Variants in SLC2A1 observed in about 807,000 individuals in gnomAD.
The protein encoded by SLC2A1 is solute carrier family 2 member 1.
Under a neutral mutation model 46.6 loss-of-function variants are expected in SLC2A1, and 4 were observed. That is an observed-to-expected ratio of 0.09 (90% CI 0.04 to 0.20). SLC2A1 has a LOEUF of 0.20. Ranked by LOEUF, SLC2A1 falls within the 10% of genes least tolerant of loss-of-function variation. The pLI, the probability that SLC2A1 is intolerant of heterozygous loss-of-function variation, is 1.00. For synonymous variants in SLC2A1, 253 were observed against 270.0 expected, an observed-to-expected ratio of 0.94 and a Z score of 0.62; for missense variants, 352 against 667.0, an observed-to-expected ratio of 0.53 and a Z score of 5.20.
At chr1:42,951,718 G>C (rs1643722024) in intron 1 of SLC2A1, 1 of 396,360 alleles carries the variant, frequency 2.5e-6, no homozygotes, top group African/African-American at 2.1e-5. Context: ...AACTTTATTG[G>C]ACACAGCTTG....
Position 42,930,493 on chromosome 1 carries a change from T to C in SLC2A1, c.516+133A>G. 8.2e-7 allele frequency: 1 copy of C among 1,217,446 alleles called. No homozygotes were observed. Among genetic ancestry groups the C allele is most frequent in the East Asian group, 2.5e-5 (1 of 39,596 alleles). The allele number at this position is 1,217,446 out of a possible 1,614,324, so 75.4% of individuals were successfully genotyped here. A position where few individuals can be genotyped will look rare whatever the true frequency, so the allele number is the denominator to read the frequency against. On this transcript the variant is annotated intron_variant, in intron 4 of 9. Transcript: ENST00000426263. This position sits in a 1 kb window ranked among gnomAD's most constrained non-coding sequence, Gnocchi z 6.2. ...TGGTGCTGTGTTCTCTGGACCTGTG[T>C]ACCATAGTTGTCCTCTGCAAGGCTG...
intron 1 of SLC2A1, among the ~76,000 whole-genome samples, chr1:42,945,697 G>A (rs1361512348): frequency 6.9e-6 from 1 of 144,624 alleles, no homozygotes; most frequent in Non-Finnish European, 1.5e-5. Context: ...CCGAGATGGC[G>A]CCACTGCACT....
At chr1:42,944,621 C>T (rs1413634172) in intron 1 of SLC2A1, among the ~76,000 whole-genome samples, 1 of 107,116 alleles carries the variant, frequency 9.3e-6, no homozygotes, top group African/African-American at 7.5e-5. Context: ...TTTTCATTCT[C>T]TGAAAGCGTC....
chr1:42,957,417 C>A (rs1643787824), intron 1 of SLC2A1, among the ~76,000 whole-genome samples: 1 of 152,172 alleles, frequency 6.6e-6, no homozygotes, highest in Non-Finnish European at 1.5e-5. Context: ...CCCGCTCAGT[C>A]TCAGCGGGAC....
chr1:42,930,963 C>T lies in SLC2A1; in HGVS notation c.275+83G>A. ...ACCCTGGAACAGGCAGATAAGTCTC[C>T]CCTACCTCCCACCCCATCTGGGACT... On this transcript the variant is annotated intron_variant, in intron 3 of 9. Coordinates refer to ENST00000426263, the MANE Select transcript of SLC2A1 (RefSeq NM_006516.4). The surrounding 1 kb of genome is among the most constrained non-coding windows in gnomAD (Gnocchi z 6.2). 1.2e-6 allele frequency: 2 copies of T among 1,607,380 alleles called. No homozygotes were observed. The highest frequency in any genetic ancestry group is 1.3e-5 in the African/African-American group (1 of 74,888).
At chr1:42,932,318 G>A (rs554229312) in intron 2 of SLC2A1, among the ~76,000 whole-genome samples, 48 of 137,728 alleles carry the variant, frequency 3.5e-4, no homozygotes, top group African/African-American at 9.6e-4. Flanking sequence ...GGCAGCACCC[G>A]TTCTGCCTGA....
chr1:42,947,707 G>A (rs1643674015), intron 1 of SLC2A1, among the ~76,000 whole-genome samples: 1 of 148,526 alleles, frequency 6.7e-6, no homozygotes, highest in Non-Finnish European at 1.5e-5. Context: ...CGGCAACAGA[G>A]TGAGATAAAA....
rs971613249 is a variant in SLC2A1, at chr1:42,926,176, A to G, written c.*865T>C. 1.3e-5 allele frequency: 2 copies of G among 152,662 alleles called. No homozygotes were observed. Among genetic ancestry groups the G allele is most frequent in the African/African-American group, 4.8e-5 (2 of 41,436 alleles). The allele number at this position is 152,662 out of a possible 1,614,324, so 9.5% of individuals were successfully genotyped here. On this transcript the variant is annotated 3_prime_UTR_variant, in exon 10 of 10. Coordinates refer to ENST00000426263, the MANE Select transcript of SLC2A1 (RefSeq NM_006516.4). Reference sequence around the variant, plus strand: ...CCATGTTTCTAAAAACCAGCCATTTATATCTGTTTAGGTAAGTAACAGGAG... The same window carrying G: ...CCATGTTTCTAAAAACCAGCCATTTGTATCTGTTTAGGTAAGTAACAGGAG...
rs758184335 is a variant in SLC2A1 at position 42,927,749 on chromosome 1, G to A, written c.1134C>T (p.Phe378=). ...SIVAIFGFVA[F]FEVGPGPIPW... Reference sequence around the variant, plus strand: ...GGATGGGGCCAGGACCCACTTCAAAGAAGGCCACAAAGCCAAAGATGGCCA... The same window carrying A: ...GGATGGGGCCAGGACCCACTTCAAAAAAGGCCACAAAGCCAAAGATGGCCA... Residue 378 remains phenylalanine (F), a synonymous_variant, in exon 9 of 10, where the codon TTC becomes TTT. Coordinates refer to ENST00000426263, the MANE Select transcript of SLC2A1 (RefSeq NM_006516.4). This position sits in a 1 kb window ranked among gnomAD's most constrained non-coding sequence, Gnocchi z 5.3. The A allele has an allele frequency of 2.2e-5, 35 of 1,614,004 alleles. No individual in the cohort carries two copies. Among genetic ancestry groups the A allele is most frequent in the Non-Finnish European group, 2.8e-5 (33 of 1,180,012 alleles).
At chr1:42,944,963 C>T (rs1457248539) in intron 1 of SLC2A1, among the ~76,000 whole-genome samples, 1 of 152,058 alleles carries the variant, frequency 6.6e-6, no homozygotes, top group Non-Finnish European at 1.5e-5. Flanking sequence ...AGGCCCAGAG[C>T]TGTTGTTCCG....
Position 42,958,714 on chromosome 1 carries a change from G to A in SLC2A1, c.-63C>T, listed in dbSNP as rs780530210. 7 of 1,509,282 alleles carry A rather than the reference G, an allele frequency of 4.6e-6. No homozygotes were observed. The highest frequency in any genetic ancestry group is 2.4e-5 in the South Asian group (2 of 82,814). 93.5% of individuals were successfully genotyped at this position (1,509,282 alleles called of 1,614,324 possible). A position where few individuals can be genotyped will look rare whatever the true frequency, so the allele number is the denominator to read the frequency against. On this transcript the variant is annotated 5_prime_UTR_variant, in exon 1 of 10. Transcript: ENST00000426263. ...CGCGGGTGGCGACGGGCGTGCGAGC[G>A]GCGCTCTCCCGCTCAGGCTCGTGCT... is the stretch of plus-strand genomic sequence containing the variant.
intron 1 of SLC2A1, chr1:42,952,416 G>A (rs1408884147): frequency 6.3e-6 from 3 of 477,816 alleles, no homozygotes; most frequent in Non-Finnish European, 1.3e-5. Context: ...GTCGATCAGC[G>A]AGTTGGGGAT....
At chr1:42,946,588 G>A (rs2086856) in intron 1 of SLC2A1, among the ~76,000 whole-genome samples, 77,237 of 152,064 alleles carry the variant, frequency 0.51, 23,073 homozygotes, top group Non-Finnish European at 0.68. Context: ...CATTGGAGCT[G>A]GGCTGTGAAG....
intron 1 of SLC2A1, among the ~76,000 whole-genome samples, chr1:42,957,979 G>C (rs1643796193): frequency 6.6e-6 from 1 of 152,192 alleles, no homozygotes; most frequent in Admixed American, 6.5e-5. Flanking sequence ...GAGCCTCCGA[G>C]ACCGGAGGTT....
chr1:42,936,773 C>T lies in SLC2A1; in HGVS notation c.115-5567G>A, dbSNP rs141743299. Among the ~76,000 whole-genome samples the T allele has an allele frequency of 4.3e-4, 65 of 152,256 alleles. 1 individual carries two copies. In the East Asian group the frequency reaches 9.1e-3, roughly 21 times the overall value. On this transcript the variant is annotated intron_variant, in intron 2 of 9. Coordinates refer to ENST00000426263, the MANE Select transcript of SLC2A1 (RefSeq NM_006516.4). ...CCCCAACTATGACTCACAAGGCACA[C>T]GCAGTGACTCCCTCATACGACCTAG... is the stretch of plus-strand genomic sequence containing the variant.
rs1318343281 is a variant in SLC2A1 at position 42,927,024 on chromosome 1, T to G, written c.*17A>C. The G allele has an allele frequency of 1.6e-5, 25 of 1,612,168 alleles. No homozygotes were observed. The highest frequency in any genetic ancestry group is 2.1e-5 in the Non-Finnish European group (25 of 1,178,510). ...TAGGGCTGCTGGGAGCAGGCCGGGC[T>G]GGTGATCTGGGGCGACTCACACTTG... is the stretch of plus-strand genomic sequence containing the variant. On this transcript the variant is annotated 3_prime_UTR_variant, in exon 10 of 10. Coordinates refer to ENST00000426263, the MANE Select transcript of SLC2A1 (RefSeq NM_006516.4). This position sits in a 1 kb window ranked among gnomAD's most constrained non-coding sequence, Gnocchi z 5.3.
At chr1:42,946,303 C>T (rs1643654895) in intron 1 of SLC2A1, among the ~76,000 whole-genome samples, 1 of 152,192 alleles carries the variant, frequency 6.6e-6, no homozygotes, top group Non-Finnish European at 1.5e-5. Flanking sequence ...ACCCAGGCAG[C>T]TGCTGCACTA....
chr1:42,947,603 A>AC (rs1643672565), intron 1 of SLC2A1, among the ~76,000 whole-genome samples: 1 of 145,168 alleles, frequency 6.9e-6, no homozygotes, highest in African/African-American at 2.5e-5. Context: ...AAAAAAAAAA[A>AC]AAACAGCTGG....
Position 42,927,314 on chromosome 1 carries a change from C to T in SLC2A1, c.1279-73G>A. 6.9e-7 allele frequency: 1 copy of T among 1,439,640 alleles called. No homozygotes were observed. Among genetic ancestry groups the T allele is most frequent in the African/African-American group, 1.4e-5 (1 of 71,172 alleles). The allele number at this position is 1,439,640 out of a possible 1,614,324, so 89.2% of individuals were successfully genotyped here. On this transcript the variant is annotated intron_variant, in intron 9 of 9. Coordinates refer to ENST00000426263, the MANE Select transcript of SLC2A1 (RefSeq NM_006516.4). The surrounding 1 kb of genome is among the most constrained non-coding windows in gnomAD (Gnocchi z 5.3). Reference sequence around the variant, plus strand: ...TGGCTGTAGGACTTTGGATAAGTCACTTTACCTTTGGGCCTTTGAGCTGAA... The same window carrying T: ...TGGCTGTAGGACTTTGGATAAGTCATTTTACCTTTGGGCCTTTGAGCTGAA...
Sources: gnomAD v4.1 joint callset for allele counts (sites outside exome capture counted in the v4.1 genomes callset) on GRCh38, gnomAD v4.1.1 for gene constraint, Gnocchi (gnomAD v3.1) non-coding constraint, MANE v1.5 for transcripts, NCBI Gene and HGNC (gene_info 2026-07-23, HGNC 2026-07-21) for gene names.